DPP10: variants seen among roughly 807,000 people sequenced by gnomAD.
The protein encoded by DPP10 is inactive dipeptidyl peptidase 10.
A neutral mutation model predicts 120.9 loss-of-function variants in DPP10; 33 were observed. The ratio of observed to expected loss-of-function variants is 0.27; its 90% CI spans 0.21 to 0.37. The LOEUF (loss-of-function observed/expected upper bound fraction) is 0.37. Among genes scored for constraint, DPP10 ranks in the 10% least tolerant of loss-of-function variants. DPP10 has a pLI of 1.00. For missense variants in DPP10, 816 were observed against 942.8 expected (o/e 0.87, Z 1.76); for synonymous variants, 337 against 326.1 (o/e 1.03, Z -0.36).
intron 1 of DPP10, among the ~76,000 whole-genome samples, chr2:115,280,322 T>TA: frequency 6.6e-6 from 1 of 152,282 alleles, no homozygotes; most frequent in African/African-American, 2.4e-5. Context: ...TTTATCTATT[T>TA]AAAAAATGAA....
intron 1 of DPP10, among the ~76,000 whole-genome samples, chr2:115,183,229 G>A (rs2054200389): frequency 6.6e-6 from 1 of 151,886 alleles, no homozygotes; most frequent in Admixed American, 6.6e-5. Flanking sequence ...ACATGAGAAT[G>A]TTCATTCATT....
At chr2:115,076,594 G>T (rs1371476281) in intron 1 of DPP10, among the ~76,000 whole-genome samples, 1 of 152,102 alleles carries the variant, frequency 6.6e-6, no homozygotes. Flanking sequence ...AGCACTACGT[G>T]TACATTACAC....
intron 1 of DPP10, among the ~76,000 whole-genome samples, chr2:114,872,673 A>T (rs1249942896): frequency 6.6e-6 from 1 of 152,172 alleles, no homozygotes; most frequent in African/African-American, 2.4e-5. Flanking sequence ...ACTTTCATGT[A>T]CATCTCTTTT....
intron 3 of DPP10, among the ~76,000 whole-genome samples, chr2:115,447,357 C>G (rs1374721974): frequency 6.6e-6 from 1 of 152,110 alleles, no homozygotes; most frequent in Non-Finnish European, 1.5e-5. Context: ...TCAGATGAGA[C>G]TTTGGATTTC....
intron 1 of DPP10, among the ~76,000 whole-genome samples, chr2:115,180,919 T>TC (rs11400751): frequency 1 from 152,218 of 152,226 alleles, 76,105 homozygotes; most frequent in Middle Eastern, 1. Context: ...CCTCCCTTCC[T>TC]CCTGCCTCCC....
intron 1 of DPP10, among the ~76,000 whole-genome samples, chr2:114,788,838 G>T (rs1420006671): frequency 6.6e-6 from 1 of 152,016 alleles, no homozygotes; most frequent in Non-Finnish European, 1.5e-5. Flanking sequence ...CACCACACCT[G>T]TCCCTTCAAT....
At chr2:115,178,167 C>G (rs2053833283) in intron 1 of DPP10, among the ~76,000 whole-genome samples, 1 of 152,028 alleles carries the variant, frequency 6.6e-6, no homozygotes, top group Non-Finnish European at 1.5e-5. Flanking sequence ...GATAGCCAGT[C>G]TTGGTGCAGG....
chr2:115,500,961 G>A (rs2076651085), intron 4 of DPP10, among the ~76,000 whole-genome samples: 1 of 151,944 alleles, frequency 6.6e-6, no homozygotes, highest in South Asian at 2.1e-4. Context: ...TAAGAAGATA[G>A]GATAGGAGAC....
At chr2:114,971,044 A>G (rs1003284047) in intron 1 of DPP10, among the ~76,000 whole-genome samples, 1 of 152,198 alleles carries the variant, frequency 6.6e-6, no homozygotes, top group Non-Finnish European at 1.5e-5. Context: ...GTGTTTTATA[A>G]ACATAACTCA....
intron 1 of DPP10, among the ~76,000 whole-genome samples, chr2:114,658,127 T>C (rs1446856837): frequency 1.3e-5 from 2 of 152,202 alleles, no homozygotes; most frequent in African/African-American, 2.4e-5. Context: ...AAAATGTGTA[T>C]GTGTGTGCAC....
At chr2:114,452,114 A>G (rs1490966510) in intron 1 of DPP10, among the ~76,000 whole-genome samples, 3 of 152,092 alleles carry the variant, frequency 2.0e-5, no homozygotes, top group Non-Finnish European at 4.4e-5. Flanking sequence ...TTCCTCTTTA[A>G]TATTTGAAAA....
chr2:115,601,772 C>A (rs1271784282), intron 5 of DPP10, among the ~76,000 whole-genome samples: 1 of 151,964 alleles, frequency 6.6e-6, no homozygotes, highest in Non-Finnish European at 1.5e-5. Context: ...CTCCCGGGTT[C>A]AAGCGATTCC....
chr2:114,929,349 G>C (rs549350488), intron 1 of DPP10, among the ~76,000 whole-genome samples: 1 of 152,136 alleles, frequency 6.6e-6, no homozygotes, highest in Non-Finnish European at 1.5e-5. Flanking sequence ...ACTAGAATTC[G>C]CCAGGCTGGA....
intron 7 of DPP10, among the ~76,000 whole-genome samples, chr2:115,691,907 C>G (rs2091340317): frequency 6.6e-6 from 1 of 151,954 alleles, no homozygotes; most frequent in Non-Finnish European, 1.5e-5. Context: ...TAAGTGCTTG[C>G]ATTTCTTATT....
chr2:115,447,717 A>G (rs1361413212), intron 3 of DPP10, among the ~76,000 whole-genome samples: 3 of 152,172 alleles, frequency 2.0e-5, no homozygotes, highest in Non-Finnish European at 4.4e-5. Context: ...ATCTTCTGCC[A>G]TGATTGTAAG....
chr2:115,293,614 T>C (rs2060754613), intron 1 of DPP10, among the ~76,000 whole-genome samples: 2 of 152,102 alleles, frequency 1.3e-5, no homozygotes, highest in African/African-American at 4.8e-5. Flanking sequence ...AGAAATTATG[T>C]TAACTGTTCA....
Position 115,746,199 on chromosome 2 carries a change from T to G in DPP10, c.950+16T>G. On this transcript the variant is annotated intron_variant, in intron 10 of 25. Coordinates refer to ENST00000410059, the MANE Select transcript of DPP10 (RefSeq NM_020868.6). ...TTAAATCAAGGTATGCAATTTCAAT[T>G]TCACTTTTATGGGGAAATAGATATT... 6.3e-7 allele frequency: 1 copy of G among 1,586,154 alleles called. No individual in the cohort carries two copies. The highest frequency in any genetic ancestry group is 8.6e-7 in the Non-Finnish European group (1 of 1,157,116).
chr2:115,522,898 A>G (rs533824321), intron 4 of DPP10, among the ~76,000 whole-genome samples: 100 of 152,298 alleles, frequency 6.6e-4, no homozygotes, highest in Non-Finnish European at 7.2e-4. Context: ...AATGTCTACA[A>G]TTAGAATCAG....
At chr2:114,815,245 C>T (rs1386327107) in intron 1 of DPP10, among the ~76,000 whole-genome samples, 1 of 152,142 alleles carries the variant, frequency 6.6e-6, no homozygotes, top group Non-Finnish European at 1.5e-5. Flanking sequence ...ATTTTGGTAC[C>T]TGATCTGAAA....
Sources: allele counts gnomAD v4.1 joint callset (sites outside exome capture counted in the v4.1 genomes callset), GRCh38; gene constraint gnomAD v4.1.1; transcripts MANE v1.5; gene names NCBI Gene and HGNC (gene_info 2026-07-23, HGNC 2026-07-21).